Variants in VIPR2 observed in about 807,000 individuals in gnomAD.
VIPR2 encodes the protein vasoactive intestinal polypeptide receptor 2.
A neutral mutation model predicts 58.0 loss-of-function variants in VIPR2; 48 were observed. That is an observed-to-expected ratio of 0.83 (90% CI 0.66 to 1.05). The LOEUF is 1.05. VIPR2 is among the 50% of genes least tolerant of loss of function. The probability of loss-of-function intolerance (pLI) is 0.00; values close to 1 mark genes in which losing one functional copy is unlikely to be tolerated. For missense variants in VIPR2, 534 were observed against 558.0 expected (o/e 0.96, Z 0.43); for synonymous variants, 243 against 235.2 (o/e 1.03, Z -0.30).
At position 159,127,343 on chromosome 7, in the gene VIPR2, C is replaced by T. The variant is rs529833968; in HGVS notation, c.151+15103G>A. ...TTGGGGTTCAGGTGGATTCCACAGG[C>T]GGGGGCCACATTCTGGTACCTGAAC... On this transcript the variant is annotated intron_variant, in intron 2 of 12. Coordinates refer to ENST00000262178, the MANE Select transcript of VIPR2 (RefSeq NM_003382.5). The surrounding 1 kb of genome is among the most constrained non-coding windows in gnomAD (Gnocchi z 4.6). 6.2e-4 allele frequency among the ~76,000 whole-genome samples: 95 copies of T among 152,246 alleles called. No individual in the cohort carries two copies. Among genetic ancestry groups the T allele is most frequent in the African/African-American group, 2.1e-3 (88 of 41,554 alleles).
chr7:159,033,691 G>T (rs1388752598), intron 10 of VIPR2, among the ~76,000 whole-genome samples: 2 of 152,104 alleles, frequency 1.3e-5, no homozygotes, highest in South Asian at 4.1e-4. Context: ...TAAGTACAAG[G>T]CCTGGTATTA....
chr7:159,142,397 C>G, intron 2 of VIPR2, 49 bp downstream of exon 2: 1 of 1,441,676 alleles, frequency 6.9e-7, no homozygotes, highest in East Asian at 2.3e-5. Flanking sequence ...AGGCGCATTC[C>G]CGGGTGAGAA....
chr7:159,144,438 G>A (rs1420078658), intron 1 of VIPR2: 1 of 1,547,196 alleles, frequency 6.5e-7, no homozygotes, highest in Admixed American at 2.0e-5. Flanking sequence ...GACGCGTCCA[G>A]GAAGAAACGA....
Position 159,067,786 on chromosome 7 carries a change from C to T in VIPR2, c.358-9208G>A, listed in dbSNP as rs367844395. On this transcript the variant is annotated intron_variant, in intron 4 of 12. Coordinates refer to ENST00000262178, the MANE Select transcript of VIPR2 (RefSeq NM_003382.5). ...TTGAAAGACCTTCAAGTTCTTTCCC[C>T]GGAACCAAGATCCTGTCGAGGCCAA... is the stretch of plus-strand genomic sequence containing the variant. Among the ~76,000 whole-genome samples the T allele has an allele frequency of 7.0e-4, 106 of 152,278 alleles. No individual in the cohort carries two copies. The Middle Eastern group carries it at 0.017, about 24-fold the overall frequency.
chr7:159,036,133 C>G (rs1211722468), intron 7 of VIPR2, 121 bp from the exon 8 acceptor site: 1 of 1,198,820 alleles, frequency 8.3e-7, no homozygotes, highest in African/African-American at 1.5e-5. Flanking sequence ...AGTGCAATCT[C>G]TTGTTTAAAG....
intron 2 of VIPR2, among the ~76,000 whole-genome samples, chr7:159,116,765 A>G (rs909008867): frequency 7.2e-5 from 11 of 152,272 alleles, no homozygotes; most frequent in Admixed American, 5.9e-4. Flanking sequence ...ACACAGCAGT[A>G]ACTCAATTAT....
rs956890509 is a variant in VIPR2, at chr7:159,095,978, G to A, written c.357+7779C>T. Among the ~76,000 whole-genome samples, 5 of 152,098 alleles carry A rather than the reference G, an allele frequency of 3.3e-5. No individual in the cohort carries two copies. Among genetic ancestry groups the A allele is most frequent in the African/African-American group, 1.2e-4 (5 of 41,402 alleles). ...GTGGTGTGTGGTGTATGATCTGGAG[G>A]CTCCCCGGGGGCTCCTGGCAACAAG... On this transcript the variant is annotated intron_variant, in intron 4 of 12. Transcript: ENST00000262178. This position sits in a 1 kb window ranked among gnomAD's most constrained non-coding sequence, Gnocchi z 5.2.
At chr7:159,111,839 T>C (rs1338492528) in intron 2 of VIPR2, among the ~76,000 whole-genome samples, 1 of 151,992 alleles carries the variant, frequency 6.6e-6, no homozygotes, top group East Asian at 1.9e-4. Context: ...CGAGACCCCA[T>C]CTCTACAGAA....
At chr7:159,135,993 CT>C (rs1797204926) in intron 2 of VIPR2, among the ~76,000 whole-genome samples, 2 of 152,184 alleles carry the variant, frequency 1.3e-5, no homozygotes, top group Admixed American at 1.3e-4. Flanking sequence ...CTCTACAAAG[CT>C]TTGTGACCAA....
Position 159,103,382 on chromosome 7 carries a change from T to C in VIPR2, c.357+375A>G, listed in dbSNP as rs534182441. Among the ~76,000 whole-genome samples, 46 of 152,254 alleles carry C rather than the reference T, an allele frequency of 3.0e-4. 1 individual carries two copies. The South Asian group carries it at 9.3e-3, about 31-fold the overall frequency. On this transcript the variant is annotated intron_variant, in intron 4 of 12. Coordinates refer to ENST00000262178, the MANE Select transcript of VIPR2 (RefSeq NM_003382.5). Reference sequence around the variant, plus strand: ...GCGCTGACTTCTCAATGCCCCAGAATGTGGCAAAATCTTAAATGGGACAAG... The same window carrying C: ...GCGCTGACTTCTCAATGCCCCAGAACGTGGCAAAATCTTAAATGGGACAAG...
intron 5 of VIPR2, among the ~76,000 whole-genome samples, chr7:159,044,170 T>C (rs1173634031): frequency 6.6e-6 from 1 of 152,156 alleles, no homozygotes; most frequent in Non-Finnish European, 1.5e-5. Flanking sequence ...TCTTTTTTTT[T>C]CAGTTTTTTA....
At chr7:159,034,719 C>G (rs188877591) in intron 8 of VIPR2, 69 bp from the exon 9 acceptor site, 1 of 1,342,218 alleles carries the variant, frequency 7.5e-7, no homozygotes, top group Non-Finnish European at 1.1e-6. Context: ...GAAGAATGAG[C>G]GCCTGCCCCT....
intron 2 of VIPR2, among the ~76,000 whole-genome samples, chr7:159,112,571 G>C (rs909883785): frequency 6.6e-6 from 1 of 152,254 alleles, no homozygotes; most frequent in African/African-American, 2.4e-5. Context: ...GGCAGAGGAG[G>C]GGGAGAAGCG....
At chr7:159,126,129 T>G (rs1029191568) in intron 2 of VIPR2, among the ~76,000 whole-genome samples, 9 of 152,220 alleles carry the variant, frequency 5.9e-5, no homozygotes, top group Admixed American at 2.6e-4. Context: ...CTGGAGATGC[T>G]GAAACGGTGG....
intron 3 of VIPR2, among the ~76,000 whole-genome samples, chr7:159,109,511 C>T (rs1392260345): frequency 6.6e-6 from 1 of 152,166 alleles, no homozygotes; most frequent in African/African-American, 2.4e-5. Flanking sequence ...TCCTTTAGGG[C>T]CCCCTTGCCT....
At chr7:159,143,070 A>G (rs1282003130) in intron 1 of VIPR2, among the ~76,000 whole-genome samples, 1 of 152,258 alleles carries the variant, frequency 6.6e-6, no homozygotes, top group Non-Finnish European at 1.5e-5. Flanking sequence ...GAGATATTCA[A>G]AGAAATCAGC....
Position 159,031,460 on chromosome 7 carries a change from C to A in VIPR2, c.1143+368G>T, listed in dbSNP as rs1853577821. ...ACTCACAGGACGCTGTGCAGCCCCACCCCCCAACCCAGGCCCGGCTTTCTG... is the reference window on the plus strand; with the variant it reads ...ACTCACAGGACGCTGTGCAGCCCCAACCCCCAACCCAGGCCCGGCTTTCTG... On this transcript the variant is annotated intron_variant, in intron 12 of 12. Coordinates refer to ENST00000262178, the MANE Select transcript of VIPR2 (RefSeq NM_003382.5). The surrounding 1 kb of genome is among the most constrained non-coding windows in gnomAD (Gnocchi z 4.0). The A allele has an allele frequency of 8.1e-6, 8 of 985,186 alleles. No homozygotes were observed. The highest frequency in any genetic ancestry group is 9.6e-6 in the Non-Finnish European group (8 of 829,800). The allele number at this position is 985,186 out of a possible 1,614,324, so 61.0% of individuals were successfully genotyped here.
At chr7:159,141,043 T>C (rs1042742424) in intron 2 of VIPR2, among the ~76,000 whole-genome samples, 2 of 152,208 alleles carry the variant, frequency 1.3e-5, no homozygotes, top group African/African-American at 4.8e-5. Flanking sequence ...AATTTGGAAC[T>C]TGGAGGTGAG....
chr7:159,096,865 G>A lies in VIPR2; in HGVS notation c.357+6892C>T, dbSNP rs1478660639. On this transcript the variant is annotated intron_variant, in intron 4 of 12. Coordinates refer to ENST00000262178, the MANE Select transcript of VIPR2 (RefSeq NM_003382.5). The surrounding 1 kb of genome is among the most constrained non-coding windows in gnomAD (Gnocchi z 5.5). ...GATGCTTCCGCCGTACTGTGTCCAT[G>A]GCTGAGACCACCCTCTCTGTGGCCG... The A allele has an allele frequency of 6.5e-7, 1 of 1,544,738 alleles. No homozygotes were observed. Among genetic ancestry groups the A allele is most frequent in the Non-Finnish European group, 8.7e-7 (1 of 1,143,714 alleles).
Sources: gnomAD v4.1 joint callset for allele counts (sites outside exome capture counted in the v4.1 genomes callset) on GRCh38, gnomAD v4.1.1 for gene constraint, Gnocchi (gnomAD v3.1) non-coding constraint, MANE v1.5 for transcripts, NCBI Gene and HGNC (gene_info 2026-07-23, HGNC 2026-07-21) for gene names.